Variants in JAKMIP3 observed in about 807,000 individuals in gnomAD.
The protein encoded by JAKMIP3 is Janus kinase and microtubule interacting protein 3, also known as janus kinase and microtubule-interacting protein 3.
Under a neutral mutation model 118.5 loss-of-function variants are expected in JAKMIP3, and 58 were observed. The ratio of observed to expected loss-of-function variants is 0.49; its 90% CI spans 0.40 to 0.61. The LOEUF (loss-of-function observed/expected upper bound fraction) is 0.61. Among genes scored for constraint, JAKMIP3 ranks in the 20% least tolerant of loss-of-function variants. The pLI is 0.00. For synonymous variants in JAKMIP3, 486 were observed against 451.2 expected, an observed-to-expected ratio of 1.08 and a Z score of -0.98; for missense variants, 950 against 1,109.0, an observed-to-expected ratio of 0.86 and a Z score of 2.04.
chr10:132,068,596 T>C (rs1264873108), intron 1 of JAKMIP3, among the ~76,000 whole-genome samples: 1 of 152,194 alleles, frequency 6.6e-6, no homozygotes, highest in Non-Finnish European at 1.5e-5. Context: ...AGACGTGCTT[T>C]GGGAGCCGGA....
chr10:132,182,187 G>A (rs569473645), intron 23 of JAKMIP3, among the ~76,000 whole-genome samples, 170 bp from the exon 24 acceptor site: 6 of 152,350 alleles, frequency 3.9e-5, no homozygotes, highest in South Asian at 2.1e-4. Context: ...ACGTGGCGCT[G>A]TAGCTGGTGC....
chr10:132,142,732 G>A (rs943450553), intron 11 of JAKMIP3, among the ~76,000 whole-genome samples: 13 of 152,160 alleles, frequency 8.5e-5, no homozygotes, highest in South Asian at 2.1e-4. Flanking sequence ...AGGGGAAGCC[G>A]CTGGAGGACC....
intron 3 of JAKMIP3, among the ~76,000 whole-genome samples, chr10:132,129,945 C>A (rs2050264515): frequency 6.7e-6 from 1 of 149,784 alleles, no homozygotes; most frequent in Non-Finnish European, 1.5e-5. Flanking sequence ...AGCTTGGGAA[C>A]CACCTTCTCA....
intron 1 of JAKMIP3, among the ~76,000 whole-genome samples, chr10:132,038,404 G>C (rs4880304): frequency 0.8 from 122,216 of 152,160 alleles, 49,365 homozygotes; most frequent in African/African-American, 0.86. Context: ...AAGTGTGCAT[G>C]CATGACACTT....
intron 19 of JAKMIP3, among the ~76,000 whole-genome samples, chr10:132,159,613 G>T (rs1259068250): frequency 9.9e-6 from 1 of 101,078 alleles, no homozygotes; most frequent in Non-Finnish European, 2.0e-5. Context: ...CCTATGTGAT[G>T]CTGGGGGTCC....
intron 1 of JAKMIP3, among the ~76,000 whole-genome samples, chr10:132,101,940 T>C (rs12218117): frequency 0.25 from 37,695 of 151,442 alleles, 5,764 homozygotes; most frequent in African/African-American, 0.44. Flanking sequence ...CAGGGAGGAC[T>C]GTGGGAGGTG....
At position 132,142,013 on chromosome 10, in the gene JAKMIP3, G is replaced by T. The variant is rs772483760; in HGVS notation, c.1567G>T (p.Val523Phe). 3 of 1,609,124 alleles carry T rather than the reference G, an allele frequency of 1.9e-6. No individual in the cohort carries two copies. In the African/African-American group the frequency reaches 4.0e-5, roughly 21 times the overall value. ...TGCCTACGCTTTGTTGCAGGAGCAG[G>T]TTGGAGGGACGCTGGACGCAGAGCG... ...QRAYALLQEQ[V>F]GGTLDAEREV... The change falls in exon 11 of 24, where the codon GTT becomes TTT. Residue 523 changes from valine (V) to phenylalanine (F), a missense_variant. Coordinates refer to ENST00000684848, the MANE Select transcript of JAKMIP3 (RefSeq NM_001323087.2).
intron 23 of JAKMIP3, among the ~76,000 whole-genome samples, chr10:132,175,566 G>C (rs889165378): frequency 2.0e-5 from 3 of 152,286 alleles, no homozygotes; most frequent in African/African-American, 7.2e-5. Context: ...GCCTGGGCCT[G>C]TGGCCACTCA....
At chr10:132,057,542 A>G (rs145981601) in intron 1 of JAKMIP3, among the ~76,000 whole-genome samples, 1 of 152,310 alleles carries the variant, frequency 6.6e-6, no homozygotes, top group Non-Finnish European at 1.5e-5. Context: ...ACTGCATGAG[A>G]TGCAGCACAG....
rs1336549793 is a variant in JAKMIP3 at position 132,118,113 on chromosome 10, G to A, written c.633+539G>A. 6.6e-6 allele frequency among the ~76,000 whole-genome samples: 1 copy of A among 152,140 alleles called. No individual in the cohort carries two copies. Among genetic ancestry groups the A allele is most frequent in the Non-Finnish European group, 1.5e-5 (1 of 68,012 alleles). Reference sequence around the variant, plus strand: ...GCCCCGGGGGGTGGGATGGCCCCCAGCTGCCCTGAGGTCCCTGTCTCTGCA... The same window carrying A: ...GCCCCGGGGGGTGGGATGGCCCCCAACTGCCCTGAGGTCCCTGTCTCTGCA... On this transcript the variant is annotated intron_variant, in intron 3 of 23. Transcript: ENST00000684848. The surrounding 1 kb of genome is among the most constrained non-coding windows in gnomAD (Gnocchi z 4.8).
intron 1 of JAKMIP3, among the ~76,000 whole-genome samples, chr10:132,076,168 C>T (rs1380716939): frequency 6.6e-6 from 1 of 152,214 alleles, no homozygotes; most frequent in East Asian, 1.9e-4. Flanking sequence ...CCCCACCCCT[C>T]CCTGCCCCCA....
intron 1 of JAKMIP3, among the ~76,000 whole-genome samples, chr10:132,070,708 G>A (rs10870237): frequency 0.053 from 8,007 of 152,162 alleles, 443 homozygotes; most frequent in East Asian, 0.25. Context: ...GAAGAGCTTA[G>A]TCTTTATGAC....
At chr10:132,065,899 G>C (rs530220963), upstream of JAKMIP3, among the ~76,000 whole-genome samples, 21 of 152,306 alleles carry the variant, frequency 1.4e-4, no homozygotes, top group African/African-American at 4.8e-4. The surrounding 1 kb of genome is among the most constrained non-coding windows in gnomAD (Gnocchi z 5.6). Context: ...TAGTCACAGC[G>C]TGGTAAATTC....
At chr10:132,161,230 G>GC (rs1320635438) in intron 19 of JAKMIP3, among the ~76,000 whole-genome samples, 1 of 4,294 alleles carries the variant, frequency 2.3e-4, no homozygotes, top group Non-Finnish European at 5.6e-4. Context: ...TGTGATGCTG[G>GC]GGGGGCCTCT....
chr10:132,045,099 G>A (rs1172199055), intron 1 of JAKMIP3, among the ~76,000 whole-genome samples: 6 of 152,050 alleles, frequency 3.9e-5, no homozygotes, highest in African/African-American at 1.2e-4. Flanking sequence ...CTTTCATCCC[G>A]TTTTCCACAG....
intron 1 of JAKMIP3, among the ~76,000 whole-genome samples, chr10:132,068,533 A>G (rs2039298600): frequency 6.6e-6 from 1 of 152,018 alleles, no homozygotes; most frequent in Non-Finnish European, 1.5e-5. Context: ...TTCTTATCTC[A>G]ATATAGCCCT....
rs1314175572 is a variant in JAKMIP3, at chr10:132,142,131, C to T, written c.1602+83C>T. On this transcript the variant is annotated intron_variant, in intron 11 of 23. Transcript: ENST00000684848. ...GTGGCCTGGGCTGGGACACCCCCCT[C>T]ACTAGCCCTCCTGGGCCCGGGCCCC... The T allele has an allele frequency of 2.1e-6, 3 of 1,434,018 alleles. No homozygotes were observed. The African/African-American group carries it at 4.2e-5, about 20-fold the overall frequency. The allele number at this position is 1,434,018 out of a possible 1,614,324, so 88.8% of individuals were successfully genotyped here. A position where few individuals can be genotyped will look rare whatever the true frequency, so the allele number is the denominator to read the frequency against.
chr10:132,139,296 G>T (rs2052769770), intron 9 of JAKMIP3, among the ~76,000 whole-genome samples: 1 of 116,756 alleles, frequency 8.6e-6, no homozygotes, highest in Non-Finnish European at 1.6e-5. Flanking sequence ...ATGCATCTGT[G>T]TATGTGTGTG....
chr10:132,054,862 G>A (rs2038195965), intron 1 of JAKMIP3, among the ~76,000 whole-genome samples: 1 of 152,002 alleles, frequency 6.6e-6, no homozygotes, highest in Admixed American at 6.6e-5. Context: ...GATGGGGAGA[G>A]TCCTGCACTC....
Sources: allele counts gnomAD v4.1 joint callset (sites outside exome capture counted in the v4.1 genomes callset), GRCh38; gene constraint gnomAD v4.1.1; non-coding constraint Gnocchi (gnomAD v3.1); transcripts MANE v1.5; gene names NCBI Gene and HGNC (gene_info 2026-07-23, HGNC 2026-07-21).